The following TANC2 variants were observed in gnomAD, a reference collection of about 807,000 sequenced individuals.
The protein encoded by TANC2 is protein TANC2.
In TANC2, 26 loss-of-function variants were observed where a neutral mutation model predicts 210.5. The observed-to-expected ratio is 0.12, with a 90% confidence interval of 0.09 to 0.17. TANC2 has a LOEUF of 0.17. TANC2 is among the 10% of genes least tolerant of loss of function. The pLI, the probability that TANC2 is intolerant of heterozygous loss-of-function variation, is 1.00. For synonymous variants in TANC2, 931 were observed against 967.1 expected (o/e 0.96, Z 0.69); for missense variants, 2,129 against 2,608.9 (o/e 0.82, Z 4.01).
At chr17:63,397,431 G>A (rs1280710525) in intron 18 of TANC2, among the ~76,000 whole-genome samples, 1 of 152,230 alleles carries the variant, frequency 6.6e-6, no homozygotes, top group African/African-American at 2.4e-5. Context: ...AAATGGAGCT[G>A]CATCCCAGTT....
intron 12 of TANC2, among the ~76,000 whole-genome samples, chr17:63,347,013 T>C (rs184923491): frequency 8.5e-4 from 130 of 152,268 alleles, no homozygotes; most frequent in African/African-American, 3.1e-3. Context: ...GCCAACAGTT[T>C]CTTACAAAGT....
rs550016356 is a variant in TANC2 at position 63,320,110 on chromosome 17, T to C, written c.1575+1020T>C. ...TATATAGTATTTTCAGTATTAATAC[T>C]GTGCAAATACATCACTCTGGCGCCA... On this transcript the variant is annotated intron_variant, in intron 11 of 27. Coordinates refer to ENST00000689528, the Ensembl canonical transcript of TANC2. Among the ~76,000 whole-genome samples, 8 of 152,358 alleles carry C rather than the reference T, an allele frequency of 5.3e-5. No homozygotes were observed. In the East Asian group the frequency reaches 1.5e-3, roughly 29 times the overall value.
At chr17:63,234,493 C>A (rs1317344850) in intron 7 of TANC2, among the ~76,000 whole-genome samples, 2 of 152,120 alleles carry the variant, frequency 1.3e-5, no homozygotes, top group African/African-American at 4.8e-5. Context: ...CTGCAGTGTC[C>A]TTCTGTGCTG....
At chr17:63,369,481 A>G (rs2047201169) in intron 14 of TANC2, among the ~76,000 whole-genome samples, 1 of 152,016 alleles carries the variant, frequency 6.6e-6, no homozygotes, top group South Asian at 2.1e-4. Flanking sequence ...ACGGGACACA[A>G]GGACTCCTCT....
chr17:63,411,914 G>A, intron 22 of TANC2, 84 bp from the exon 23 acceptor site: 1 of 1,564,818 alleles, frequency 6.4e-7, no homozygotes, highest in Non-Finnish European at 8.7e-7. Context: ...AGTTGAAAAA[G>A]GGCAGGCAGC....
intron 9 of TANC2, among the ~76,000 whole-genome samples, chr17:63,304,533 C>A (rs1490185680): frequency 6.6e-6 from 1 of 152,164 alleles, no homozygotes; most frequent in Non-Finnish European, 1.5e-5. Context: ...TGTCTGACAA[C>A]CCCTGTTGGA....
chr17:62,981,561 T>C (rs1482262843), intron 1 of TANC2, among the ~76,000 whole-genome samples: 2 of 152,180 alleles, frequency 1.3e-5, no homozygotes, highest in Non-Finnish European at 2.9e-5. Context: ...CAACCTCTTA[T>C]TGTTGTTGAC....
At chr17:63,232,142 G>A (rs1480333739) in intron 7 of TANC2, among the ~76,000 whole-genome samples, 1 of 152,096 alleles carries the variant, frequency 6.6e-6, no homozygotes, top group East Asian at 1.9e-4. Context: ...TGGTTATTCT[G>A]GTTAACAGCT....
At chr17:63,165,554 G>A (rs2040184294) in intron 5 of TANC2, among the ~76,000 whole-genome samples, 1 of 152,160 alleles carries the variant, frequency 6.6e-6, no homozygotes, top group South Asian at 2.1e-4. Context: ...CTGCTACACT[G>A]CAGTGGATTA....
chr17:63,140,704 A>G (rs762386428), intron 4 of TANC2, among the ~76,000 whole-genome samples: 7 of 152,178 alleles, frequency 4.6e-5, no homozygotes, highest in Non-Finnish European at 7.3e-5. Context: ...ATGATTTTAA[A>G]TCATCTTTTA....
chr17:63,248,504 T>G (rs2042975571), intron 8 of TANC2, among the ~76,000 whole-genome samples: 1 of 152,092 alleles, frequency 6.6e-6, no homozygotes, highest in Admixed American at 6.6e-5. Flanking sequence ...GACCAAATGA[T>G]GTTGAATAAT....
intron 2 of TANC2, among the ~76,000 whole-genome samples, chr17:63,042,233 A>G (rs544969346): frequency 6.6e-6 from 1 of 152,214 alleles, no homozygotes; most frequent in East Asian, 1.9e-4. Flanking sequence ...GGGGAGGGAA[A>G]GTTACTGTGA....
intron 1 of TANC2, among the ~76,000 whole-genome samples, chr17:62,978,330 T>C (rs945981981): frequency 6.6e-5 from 10 of 152,206 alleles, no homozygotes; most frequent in Non-Finnish European, 1.2e-4. Context: ...TTATTTCTCT[T>C]TTTTTGGGGA....
chr17:62,973,838 A>G (rs905728016), intron 1 of TANC2, among the ~76,000 whole-genome samples: 13 of 152,350 alleles, frequency 8.5e-5, no homozygotes, highest in African/African-American at 3.1e-4. Flanking sequence ...AAAGATATCA[A>G]AGGAGGAATG....
intron 7 of TANC2, among the ~76,000 whole-genome samples, chr17:63,222,621 T>C (rs2145944778): frequency 6.6e-6 from 1 of 152,248 alleles, no homozygotes; most frequent in East Asian, 1.9e-4. Context: ...TGATGGAAAG[T>C]TGATTACAGC....
At chr17:63,362,533 C>A (rs1297812704) in intron 14 of TANC2, among the ~76,000 whole-genome samples, 1 of 152,194 alleles carries the variant, frequency 6.6e-6, no homozygotes, top group Admixed American at 6.5e-5. Flanking sequence ...CACCTGCAGG[C>A]CGAGAGGCAC....
At chr17:63,388,391 T>C (rs2047852584) in intron 15 of TANC2, among the ~76,000 whole-genome samples, 1 of 152,140 alleles carries the variant, frequency 6.6e-6, no homozygotes, top group Non-Finnish European at 1.5e-5. Context: ...TATATCCAGA[T>C]AGAAAAGAGA....
Position 63,031,869 on chromosome 17 carries a change from T to G in TANC2, c.67+22243T>G, listed in dbSNP as rs529485780. On this transcript the variant is annotated intron_variant, in intron 2 of 27. Coordinates refer to ENST00000689528, the Ensembl canonical transcript of TANC2. ...AGGGAGTTCCAAGGGAAGGACTCAATCTCAGACTGGAGGGAAATGGAACAA... is the reference window on the plus strand; with the variant it reads ...AGGGAGTTCCAAGGGAAGGACTCAAGCTCAGACTGGAGGGAAATGGAACAA... Among the ~76,000 whole-genome samples, 5 of 152,256 alleles carry G rather than the reference T, an allele frequency of 3.3e-5. No individual in the cohort carries two copies. The South Asian group carries it at 1.0e-3, about 32-fold the overall frequency.
chr17:63,191,156 G>T (rs1336317491), intron 5 of TANC2, among the ~76,000 whole-genome samples: 1 of 151,852 alleles, frequency 6.6e-6, no homozygotes, highest in Non-Finnish European at 1.5e-5. Context: ...GAAGAATGCA[G>T]AATCAACGTA....
Sources: gnomAD v4.1 joint callset for allele counts (sites outside exome capture counted in the v4.1 genomes callset) on GRCh38, gnomAD v4.1.1 for gene constraint, MANE v1.5 for transcripts, NCBI Gene and HGNC (gene_info 2026-07-23, HGNC 2026-07-21) for gene names.